MATR3: variants seen among roughly 807,000 people sequenced by gnomAD.
MATR3 encodes matrin 3.
In MATR3, 4 loss-of-function variants were observed where a neutral mutation model predicts 85.5. The observed-to-expected ratio is 0.05, with a 90% CI of 0.02 to 0.11. The LOEUF is 0.11. MATR3 is among the 10% of genes least tolerant of loss of function. The probability of loss-of-function intolerance (pLI) is 1.00; values close to 1 mark genes in which losing one functional copy is unlikely to be tolerated. For missense variants in MATR3, 685 were observed against 1,016.1 expected, an observed-to-expected ratio of 0.67 and a Z score of 4.43; for synonymous variants, 336 against 343.1, an observed-to-expected ratio of 0.98 and a Z score of 0.23.
Position 139,286,350 on chromosome 5 carries a change from T to TTTA in MATR3, c.-178+7226_-178+7228dup, listed in dbSNP as rs556480750. Among the ~76,000 whole-genome samples, 274 of 152,062 alleles carry TTTA rather than the reference T, an allele frequency of 1.8e-3. 1 individual carries two copies. Among genetic ancestry groups the TTTA allele is most frequent in the African/African-American group, 6.0e-3 (249 of 41,502 alleles). ...CAATCTTCTTTTTAAAAGCTATTTA[T>TTTA]TTATTATAAAATAGAAATGGGGTCT... is the stretch of plus-strand genomic sequence containing the variant. On this transcript the variant is annotated intron_variant, in intron 3 of 16. Transcript: ENST00000509990.
intron 2 of MATR3, chr5:139,312,592 CATTT>C (rs1561936219): frequency 1.3e-5 from 2 of 152,198 alleles, no homozygotes; most frequent in African/African-American, 4.8e-5. Context: ...TAGCTTCCAA[CATTT>C]TAAGGAAGGT....
At chr5:139,276,084 A>G (rs1357038374) in intron 1 of MATR3, 1 of 456,644 alleles carries the variant, frequency 2.2e-6, no homozygotes, top group African/African-American at 2.0e-5. Flanking sequence ...ACACGTGTTC[A>G]CTGTTGGCTG....
chr5:139,319,994 C>CT (rs1229059403), intron 9 of MATR3, among the ~76,000 whole-genome samples: 5 of 125,096 alleles, frequency 4.0e-5, no homozygotes, highest in South Asian at 5.6e-4. Context: ...ATATTTCATA[C>CT]TTTTTTTTCT....
Position 139,323,892 on chromosome 5 carries a change from G to GA in MATR3, c.2148+936dup, listed in dbSNP as rs200270742. The stretch of plus-strand genomic sequence containing the variant: ...GGTGACAAGAGCAAGACTGTCTCAA[G>GA]AAAAAAAAAAAGTAGAGCGAAATGA... On this transcript the variant is annotated intron_variant, in intron 12 of 14. Coordinates refer to ENST00000394805, the MANE Select transcript of MATR3 (RefSeq NM_018834.6). 3.1e-3 allele frequency among the ~76,000 whole-genome samples: 446 copies of GA among 144,018 alleles called. 13 individuals are homozygous for GA. The East Asian group carries it at 0.068, about 22-fold the overall frequency. 94.5% of individuals were successfully genotyped at this position (144,018 alleles called of 152,430 possible).
At chr5:139,309,453 T>C (rs947418372) in intron 2 of MATR3, among the ~76,000 whole-genome samples, 1 of 152,140 alleles carries the variant, frequency 6.6e-6, no homozygotes, top group Non-Finnish European at 1.5e-5. Flanking sequence ...TTTTAGTAAA[T>C]GAGTATGGAT....
Position 139,325,629 on chromosome 5 carries a change from A to G in MATR3, c.2338A>G (p.Arg780Gly). ...KDDYTIPDEY[R>G]IGPYQPNVPV... ...CGACTATACAATCCCAGATGAGTAT[A>G]GAATTGGACCATATCAGCCCAATGT... Residue 780 changes from arginine to glycine, a missense_variant, in exon 13 of 15, where the codon AGA (arginine) becomes GGA (glycine). Around this residue, in one of 9 missense-constraint regions of MATR3, gnomAD observed 45 missense variants for 82.5 expected, o/e 0.55. Transcript: ENST00000394805. The G allele has an allele frequency of 1.2e-6, 2 of 1,614,216 alleles. No individual in the cohort carries two copies. Among genetic ancestry groups the G allele is most frequent in the Non-Finnish European group, 1.7e-6 (2 of 1,180,038 alleles).
rs1158235316 is a variant in MATR3, at chr5:139,330,958, T to A, written c.*1563T>A. On this transcript the variant is annotated 3_prime_UTR_variant, in exon 15 of 15. Coordinates refer to ENST00000394805, the MANE Select transcript of MATR3 (RefSeq NM_018834.6). ...GGCTCATGCCACTATACCTGGCTAGTTTTTGGTTTTTTTGTATAGATGGGG... is the reference window on the plus strand; with the variant it reads ...GGCTCATGCCACTATACCTGGCTAGATTTTGGTTTTTTTGTATAGATGGGG... 6.6e-6 allele frequency: 3 copies of A among 453,922 alleles called. No individual in the cohort carries two copies. Among genetic ancestry groups the A allele is most frequent in the Non-Finnish European group, 1.3e-5 (3 of 226,792 alleles). The allele number at this position is 453,922 out of a possible 1,614,324, so 28.1% of individuals were successfully genotyped here.
chr5:139,325,970 A>C (rs1024261785), intron 13 of MATR3, among the ~76,000 whole-genome samples, 193 bp from the exon 14 acceptor site: 2 of 152,116 alleles, frequency 1.3e-5, no homozygotes, highest in Non-Finnish European at 2.9e-5. Context: ...TTTTTTTAAG[A>C]ATACAGTTAG....
intron 3 of MATR3, among the ~76,000 whole-genome samples, chr5:139,283,991 T>C (rs1753621504): frequency 6.6e-6 from 1 of 152,214 alleles, no homozygotes; most frequent in Non-Finnish European, 1.5e-5. Flanking sequence ...TGTTGTACCA[T>C]AGAGCTAGAC....
In MATR3 at chr5:139,319,378, G is replaced by T; in HGVS notation, c.1479G>T (p.Glu493Asp). The T allele has an allele frequency of 1.2e-6, 2 of 1,614,156 alleles. No individual in the cohort carries two copies. Among genetic ancestry groups the T allele is most frequent in the South Asian group, 1.1e-5 (1 of 91,090 alleles). ...ATCAGAAGTTTGATCAAAAGCAAGA[G>T]CTTGGACGTGTGATACATCTCAGCA... is the stretch of plus-strand genomic sequence containing the variant. ...KPDQKFDQKQELGRVIHLSNL... is the reference protein window; with the variant it reads ...KPDQKFDQKQDLGRVIHLSNL... The change falls in exon 9 of 15, where the codon GAG (glutamate) becomes GAT (aspartate). Residue 493 changes from glutamate to aspartate, a missense_variant. Transcript: ENST00000394805.
intron 2 of MATR3, chr5:139,311,149 A>C (rs567312410): frequency 6.6e-6 from 1 of 152,196 alleles, no homozygotes; most frequent in African/African-American, 2.4e-5. Flanking sequence ...CTTTCACTTA[A>C]AGAAAATTAC....
intron 1 of MATR3, among the ~76,000 whole-genome samples, chr5:139,298,178 C>T (rs1402131448): frequency 6.6e-6 from 1 of 152,148 alleles, no homozygotes; most frequent in South Asian, 2.1e-4. Flanking sequence ...TTAACCGTCC[C>T]TCTTAACACA....
In MATR3 at chr5:139,325,266, G is replaced by A. The variant is rs549447941; in HGVS notation, c.2149-174G>A. 100 of 1,550,500 alleles carry A rather than the reference G, an allele frequency of 6.4e-5. No individual in the cohort carries two copies. In the African/African-American group the frequency reaches 1.2e-3, roughly 19 times the overall value. Reference sequence around the variant, plus strand: ...ACAGAAGGGATGCTGCAGGATAATTGTTGCAGAGTAAATTTGTCTTTCTTA... The same window carrying A: ...ACAGAAGGGATGCTGCAGGATAATTATTGCAGAGTAAATTTGTCTTTCTTA... On this transcript the variant is annotated intron_variant, in intron 12 of 14. Transcript: ENST00000394805.
Position 139,321,873 on chromosome 5 carries a change from G to T in MATR3, c.1603-25G>T, listed in dbSNP as rs374883292. The T allele has an allele frequency of 1.9e-6, 3 of 1,610,032 alleles. No homozygotes were observed. In the African/African-American group the frequency reaches 4.0e-5, roughly 22 times the overall value. On this transcript the variant is annotated intron_variant, in intron 9 of 14. Coordinates refer to ENST00000394805, the MANE Select transcript of MATR3 (RefSeq NM_018834.6). ...AATTTTGTAAAATATAATGTGCTTT[G>T]TGGTTTCTTTTCTTTCTTTTTAAGG...
intron 1 of MATR3, chr5:139,294,449 C>T: frequency 6.3e-6 from 1 of 158,064 alleles, no homozygotes; most frequent in Non-Finnish European, 1.4e-5. Context: ...CGCCTCAGAG[C>T]GCCCCCTAAG....
chr5:139,322,574 TGTG>T, intron 11 of MATR3, 21 bp from the exon 12 acceptor site: 2 of 1,584,046 alleles, frequency 1.3e-6, no homozygotes, highest in Non-Finnish European at 1.7e-6. Flanking sequence ...ACAAATTAAT[TGTG>T]GTGTGTCCTT....
intron 2 of MATR3, chr5:139,311,003 G>A (rs1754940818): frequency 6.6e-6 from 1 of 152,150 alleles, no homozygotes; most frequent in East Asian, 1.9e-4. Context: ...TCTCCATGTT[G>A]GTCAGGCTGG....
At chr5:139,297,423 T>G (rs1193879095) in intron 1 of MATR3, among the ~76,000 whole-genome samples, 2 of 152,218 alleles carry the variant, frequency 1.3e-5, no homozygotes, top group African/African-American at 4.8e-5. Flanking sequence ...GATAAAAGTT[T>G]ATGTGTAGAA....
Position 139,331,091 on chromosome 5 carries a change from A to G in MATR3, c.*1696A>G, listed in dbSNP as rs1425512347. ...TAGGCATGAGCCACCATCCCTGGCC[A>G]AGAAACAAAGTTTTAATTTCAAAAA... On this transcript the variant is annotated 3_prime_UTR_variant, in exon 15 of 15. Transcript: ENST00000394805. 2.2e-6 allele frequency: 1 copy of G among 454,032 alleles called. No individual in the cohort carries two copies. Among genetic ancestry groups the G allele is most frequent in the Admixed American group, 2.4e-5 (1 of 42,550 alleles). The allele number at this position is 454,032 out of a possible 1,614,324, so 28.1% of individuals were successfully genotyped here. A position where few individuals can be genotyped will look rare whatever the true frequency, so the allele number is the denominator to read the frequency against.
Sources: allele counts gnomAD v4.1 joint callset (sites outside exome capture counted in the v4.1 genomes callset), GRCh38; gene constraint gnomAD v4.1.1; regional missense constraint gnomAD v4.1.1; transcripts MANE v1.5; gene names NCBI Gene and HGNC (gene_info 2026-07-23, HGNC 2026-07-21).